VPS37A: variants seen among roughly 807,000 people sequenced by gnomAD.
VPS37A encodes the protein VPS37A subunit of ESCRT-I.
Under a neutral mutation model 49.8 loss-of-function variants are expected in VPS37A, and 30 were observed. The observed-to-expected ratio is 0.60, with a 90% CI of 0.45 to 0.82. VPS37A has a LOEUF of 0.82. Ranked by LOEUF, VPS37A falls within the 40% of genes least tolerant of loss-of-function variation. The pLI is 0.00. For missense variants in VPS37A, 593 were observed against 464.4 expected (o/e 1.28, Z -2.55); for synonymous variants, 195 against 160.6 (o/e 1.21, Z -1.62).
At chr8:17,277,293 T>G (rs896360219) in intron 6 of VPS37A, among the ~76,000 whole-genome samples, 1 of 152,198 alleles carries the variant, frequency 6.6e-6, no homozygotes, top group Admixed American at 6.5e-5. Flanking sequence ...ACTGCATACA[T>G]TAAAGGTTAA....
the VPS37A span, among the ~76,000 whole-genome samples, chr8:17,327,873 CTT>C: frequency 7.9e-5 from 12 of 152,114 alleles, no homozygotes; most frequent in Admixed American, 7.2e-4. Flanking sequence ...ACTGTTTACT[CTT>C]TTAAAAAATT....
intron 9 of VPS37A, 22 bp downstream of exon 9, chr8:17,280,465 C>T (rs772478666): frequency 3.2e-6 from 5 of 1,574,220 alleles, no homozygotes; most frequent in Admixed American, 2.1e-5. Flanking sequence ...TATTTTTTTC[C>T]CTTTGCCATA....
chr8:17,301,614 A>T (rs887274281), downstream of VPS37A: 1 of 152,626 alleles, frequency 6.6e-6, no homozygotes, highest in African/African-American at 2.4e-5. Flanking sequence ...GAATCCTAAG[A>T]TGTTCATAAA....
intron 3 of VPS37A, 143 bp from the exon 4 acceptor site, chr8:17,268,713 A>AT (rs1813702805): frequency 6.2e-6 from 4 of 647,548 alleles, no homozygotes; most frequent in African/African-American, 3.7e-5. Flanking sequence ...AGAAAATGCT[A>AT]TAACTTGTTA....
At chr8:17,248,024 C>A (rs867576690) in intron 1 of VPS37A, 3 of 500,416 alleles carry the variant, frequency 6.0e-6, no homozygotes, top group Non-Finnish European at 1.1e-5. Context: ...TGTTGTCTTC[C>A]TGTGAGTTTT....
the VPS37A span, among the ~76,000 whole-genome samples, chr8:17,320,348 C>T: frequency 6.6e-6 from 1 of 151,974 alleles, no homozygotes; most frequent in Non-Finnish European, 1.5e-5. Flanking sequence ...CTACATATTC[C>T]CTCACACACC....
chr8:17,248,298 C>T (rs1197281277), intron 1 of VPS37A: 2 of 442,082 alleles, frequency 4.5e-6, no homozygotes, highest in African/African-American at 4.2e-5. Context: ...GTACGGCTCT[C>T]CTGTTGCCCA....
In VPS37A at chr8:17,274,712, ATCT is replaced by A. The variant is rs570296926; in HGVS notation, c.417-17_417-15del. On this transcript the variant is annotated intron_variant, in intron 4 of 11. Coordinates refer to ENST00000324849, the MANE Select transcript of VPS37A (RefSeq NM_152415.3). The stretch of plus-strand genomic sequence containing the variant: ...TTTATCCATAAAATCTAATGTAATG[ATCT>A]TCTCTTTTTCTTTTCAGTCTATACA... 295 of 1,578,710 alleles carry A rather than the reference ATCT, an allele frequency of 1.9e-4. 3 individuals carry two copies. In the African/African-American group the frequency reaches 3.8e-3, roughly 20 times the overall value.
At chr8:17,268,055 C>T (rs566056143) in intron 2 of VPS37A, among the ~76,000 whole-genome samples, 234 of 152,268 alleles carry the variant, frequency 1.5e-3, no homozygotes, top group Middle Eastern at 3.4e-3. Context: ...GATTTTACTG[C>T]GTTGAATGAC....
intron 4 of VPS37A, 70 bp from the exon 5 acceptor site, chr8:17,274,663 C>A: frequency 7.7e-7 from 1 of 1,295,566 alleles, no homozygotes; most frequent in South Asian, 1.4e-5. Flanking sequence ...TTATTTAGAA[C>A]AATTTAGAAA....
rs548330283 is a variant in VPS37A at position 17,249,925 on chromosome 8, G to A, written c.125+2556G>A. 4.9e-4 allele frequency among the ~76,000 whole-genome samples: 75 copies of A among 152,274 alleles called. 3 individuals are homozygous for A. The South Asian group carries it at 0.013, about 27-fold the overall frequency. On this transcript the variant is annotated intron_variant, in intron 1 of 11. Coordinates refer to ENST00000324849, the MANE Select transcript of VPS37A (RefSeq NM_152415.3). The stretch of plus-strand genomic sequence containing the variant: ...GGACAGCCATGTAGAAATGTGATTG[G>A]ACAAAAAGAGTATGGTAATGGTAAT...
At chr8:17,276,666 GA>G (rs1425201552) in intron 6 of VPS37A, among the ~76,000 whole-genome samples, 199 bp downstream of exon 6, 1 of 152,044 alleles carries the variant, frequency 6.6e-6, no homozygotes, top group Non-Finnish European at 1.5e-5. Context: ...CATACTCAGG[GA>G]TTTTTATAGG....
the VPS37A span, among the ~76,000 whole-genome samples, chr8:17,317,036 A>G: frequency 2.7e-4 from 41 of 152,270 alleles, no homozygotes; most frequent in African/African-American, 8.9e-4. Context: ...AGTTTTGCCA[A>G]TCTTATAATA....
downstream of VPS37A, among the ~76,000 whole-genome samples, chr8:17,306,236 A>T (rs1450069842): frequency 6.6e-6 from 1 of 152,174 alleles, no homozygotes; most frequent in African/African-American, 2.4e-5. Context: ...CCACAGAAAA[A>T]GGGCATTTTT....
downstream of VPS37A, chr8:17,305,647 G>T: frequency 2.3e-6 from 2 of 853,462 alleles, no homozygotes; most frequent in South Asian, 1.7e-5. Flanking sequence ...GTCAGTATAG[G>T]TATGTGACTA....
intron 4 of VPS37A, among the ~76,000 whole-genome samples, chr8:17,270,005 G>A (rs1169618043): frequency 1.3e-5 from 2 of 152,056 alleles, no homozygotes; most frequent in African/African-American, 4.8e-5. Context: ...AAGGTAAAGC[G>A]GGTGCAGGCA....
intron 6 of VPS37A, among the ~76,000 whole-genome samples, chr8:17,278,916 T>C (rs1814772634): frequency 6.6e-6 from 1 of 152,072 alleles, no homozygotes; most frequent in Non-Finnish European, 1.5e-5. Flanking sequence ...TATGGCTCCA[T>C]AGTCAAAACT....
Position 17,280,201 on chromosome 8 carries a change from A to G in VPS37A, c.842-38A>G, listed in dbSNP as rs748451149. On this transcript the variant is annotated intron_variant, in intron 7 of 11. Coordinates refer to ENST00000324849, the MANE Select transcript of VPS37A (RefSeq NM_152415.3). ...GCGCACATTTCCTGAAAAAAATCTC[A>G]TCTTTACCTAGAAGTAAACTAGAGA... The G allele has an allele frequency of 3.7e-6, 6 of 1,610,420 alleles. 1 individual carries two copies. In the South Asian group the frequency reaches 6.6e-5, roughly 18 times the overall value.
rs373846565 is a variant in VPS37A, at chr8:17,268,859, A to G, written c.319A>G (p.Thr107Ala). 1.9e-6 allele frequency: 3 copies of G among 1,604,092 alleles called. No individual in the cohort carries two copies. Among genetic ancestry groups the G allele is most frequent in the South Asian group, 2.2e-5 (2 of 89,526 alleles). The stretch of plus-strand genomic sequence containing the variant: ...CGTCATGTATTGTTACTTTCAGTTT[A>G]CAATGCACTCAGATCTTGGAAAAAT... The part of the protein sequence containing the change: ...YVTSPLVNNF[T>A]MHSDLGKIIQ... Residue 107 changes from threonine to alanine, a missense_variant, in exon 4 of 12, where the codon ACA (threonine) becomes GCA (alanine). By Grantham distance (58) the Thr-to-Ala change is moderately conservative. Transcript: ENST00000324849.
Sources: gnomAD v4.1 joint callset for allele counts (sites outside exome capture counted in the v4.1 genomes callset) on GRCh38, gnomAD v4.1.1 for gene constraint, MANE v1.5 for transcripts, NCBI Gene and HGNC (gene_info 2026-07-23, HGNC 2026-07-21) for gene names.